The following HTR2C variants were observed in gnomAD, a reference collection of about 807,000 sequenced individuals.
The protein encoded by HTR2C is 5-hydroxytryptamine receptor 2C.
HTR2C carries 5 observed loss-of-function variants against 21.0 expected under a neutral mutation model. The ratio of observed to expected loss-of-function variants is 0.24; its 90% CI spans 0.12 to 0.50. The LOEUF (loss-of-function observed/expected upper bound fraction) is 0.50, where lower values mean the gene tolerates loss of function less well. Ranked by LOEUF, HTR2C falls within the 20% of genes least tolerant of loss-of-function variation. The pLI is 0.98. For missense variants in HTR2C, 271 were observed against 371.2 expected (o/e 0.73, Z 2.22); for synonymous variants, 150 against 145.3 (o/e 1.03, Z -0.23).
At chrX:114,673,866 T>A (rs781828731) in intron 2 of HTR2C, among the ~76,000 whole-genome samples, 6 of 111,893 alleles carry the variant, frequency 5.4e-5, no homozygotes, top group Non-Finnish European at 1.1e-4. Context: ...AACTCAAAAT[T>A]CTACTTCTAT....
chrX:114,775,718 T>C, intron 4 of HTR2C: 1 of 607,256 alleles, frequency 1.6e-6, no homozygotes, highest in Non-Finnish European at 2.6e-6. Context: ...TTCTTTTCTA[T>C]TGAAGATGTC....
At chrX:114,714,002 C>A (rs1279993227) in intron 2 of HTR2C, among the ~76,000 whole-genome samples, 2 of 111,104 alleles carry the variant, frequency 1.8e-5, no homozygotes, top group Non-Finnish European at 3.8e-5. Flanking sequence ...AAGAATTCTC[C>A]ACAAATCTAA....
intron 5 of HTR2C, among the ~76,000 whole-genome samples, chrX:114,866,559 C>T (rs373724631): frequency 2.7e-4 from 30 of 109,606 alleles, no homozygotes; most frequent in African/African-American, 9.6e-4. Flanking sequence ...TGACTATAGT[C>T]ACCCTATTGT....
chrX:114,866,607 T>C (rs1354125058), intron 5 of HTR2C, among the ~76,000 whole-genome samples: 2 of 109,270 alleles, frequency 1.8e-5, no homozygotes, highest in Non-Finnish European at 3.8e-5. Context: ...CTTTCTATTT[T>C]TTTTTGTACC....
intron 4 of HTR2C, among the ~76,000 whole-genome samples, chrX:114,758,348 G>T (rs1386427696): frequency 9.1e-6 from 1 of 110,213 alleles, no homozygotes; most frequent in Non-Finnish European, 1.9e-5. Context: ...AACCATTTGA[G>T]ACCAAAATTT....
At chrX:114,735,291 T>G (rs782117451) in intron 4 of HTR2C, among the ~76,000 whole-genome samples, 6 of 110,841 alleles carry the variant, frequency 5.4e-5, no homozygotes, top group Non-Finnish European at 1.1e-4. Flanking sequence ...CAATCCAGCT[T>G]GGGCGACAGA....
At chrX:114,868,035 T>C (rs2071060197) in intron 5 of HTR2C, among the ~76,000 whole-genome samples, 1 of 111,101 alleles carries the variant, frequency 9.0e-6, no homozygotes, top group Non-Finnish European at 1.9e-5. Flanking sequence ...TTTCTATTTC[T>C]GTGGAAGAAT....
intron 4 of HTR2C, among the ~76,000 whole-genome samples, chrX:114,784,507 C>T (rs1051559609): frequency 9.1e-6 from 1 of 110,370 alleles, no homozygotes; most frequent in African/African-American, 3.3e-5. Context: ...AAGGAAAAAT[C>T]ATCCTAGCTT....
chrX:114,751,560 A>G (rs781958769), intron 4 of HTR2C, among the ~76,000 whole-genome samples: 1 of 112,092 alleles, frequency 8.9e-6, no homozygotes, highest in South Asian at 3.7e-4. Flanking sequence ...GAAGGTAAGT[A>G]TGCTGTTTAA....
chrX:114,705,066 A>G (rs1444891452), intron 2 of HTR2C, among the ~76,000 whole-genome samples: 1 of 105,625 alleles, frequency 9.5e-6, no homozygotes, highest in African/African-American at 3.4e-5. Flanking sequence ...GAGGATACAA[A>G]CAAATGGAAG....
intron 4 of HTR2C, among the ~76,000 whole-genome samples, chrX:114,787,738 G>C (rs1191697898): frequency 3.6e-5 from 4 of 110,844 alleles, no homozygotes; most frequent in African/African-American, 1.3e-4. Flanking sequence ...ACGAGGTCAG[G>C]AGATCGAGAC....
chrX:114,705,656 T>C (rs1932753085), intron 2 of HTR2C, among the ~76,000 whole-genome samples: 1 of 91,853 alleles, frequency 1.1e-5, no homozygotes, highest in African/African-American at 3.8e-5. Flanking sequence ...GGGCAAGGAC[T>C]TCATGTCTAA....
chrX:114,698,018 G>T, intron 2 of HTR2C, among the ~76,000 whole-genome samples: 1 of 111,584 alleles, frequency 9.0e-6, no homozygotes, highest in East Asian at 2.8e-4. Context: ...AGTTCTTTAG[G>T]GTTGTAGGAC....
At chrX:114,723,060 C>G (rs1933290998) in intron 2 of HTR2C, among the ~76,000 whole-genome samples, 1 of 111,153 alleles carries the variant, frequency 9.0e-6, no homozygotes, top group Non-Finnish European at 1.9e-5. Context: ...CCCTCTTTTT[C>G]TATTGATTGG....
chrX:114,775,408 T>C (rs1378722464), intron 4 of HTR2C: 1 of 526,926 alleles, frequency 1.9e-6, no homozygotes, highest in Non-Finnish European at 3.5e-6. Flanking sequence ...TCAAGCAGGT[T>C]GTCATCCTTG....
At chrX:114,620,914 C>G (rs1929132706) in intron 2 of HTR2C, among the ~76,000 whole-genome samples, 1 of 111,140 alleles carries the variant, frequency 9.0e-6, no homozygotes, top group African/African-American at 3.3e-5. Context: ...GAGTCTTGCT[C>G]TGTAGCCCAG....
chrX:114,624,324 A>G (rs1345885138), intron 2 of HTR2C, among the ~76,000 whole-genome samples: 2 of 111,850 alleles, frequency 1.8e-5, no homozygotes, highest in Non-Finnish European at 3.8e-5. Context: ...TATTATTTTT[A>G]TATCTTTAGA....
chrX:114,815,991 C>T (rs952142666), intron 4 of HTR2C, among the ~76,000 whole-genome samples: 3 of 110,606 alleles, frequency 2.7e-5, no homozygotes, highest in African/African-American at 6.6e-5. Flanking sequence ...ACTCTCTTCC[C>T]TCTCCAGCCT....
intron 2 of HTR2C, among the ~76,000 whole-genome samples, chrX:114,679,712 G>T (rs1468503495): frequency 9.0e-6 from 1 of 111,305 alleles, no homozygotes; most frequent in Non-Finnish European, 1.9e-5. Flanking sequence ...CTAATAGCTT[G>T]CAATAATACA....
Sources: gnomAD v4.1 joint callset for allele counts (sites outside exome capture counted in the v4.1 genomes callset) on GRCh38, gnomAD v4.1.1 for gene constraint, MANE v1.5 for transcripts, NCBI Gene and HGNC (gene_info 2026-07-23, HGNC 2026-07-21) for gene names.